Variants in ERI1 observed in about 807,000 individuals in gnomAD.
The protein encoded by ERI1 is 3'-5' exoribonuclease 1.
ERI1 carries 39 observed loss-of-function variants against 39.7 expected under a neutral mutation model. That is an observed-to-expected ratio of 0.98 (90% CI 0.76 to 1.28). The LOEUF is 1.28. ERI1 is among the 50% of genes most tolerant of loss of function. The pLI is 0.00. For synonymous variants in ERI1, 204 were observed against 149.6 expected (o/e 1.36, Z -2.65); for missense variants, 581 against 416.9 (o/e 1.39, Z -3.43).
chr8:9,081,709 TTG>T, intron 3 of ERI1, among the ~76,000 whole-genome samples: 4 of 150,200 alleles, frequency 2.7e-5, no homozygotes, highest in Non-Finnish European at 4.5e-5. Flanking sequence ...TGGTTTTTGT[TTG>T]TTTGTTTGTT....
At chr8:9,072,578 A>G (rs531040408) in intron 3 of ERI1, 5 of 152,092 alleles carry the variant, frequency 3.3e-5, no homozygotes, top group Admixed American at 2.0e-4. Context: ...CGCCGCCTCT[A>G]TCTCTGTCCC....
chr8:9,075,869 C>A (rs550168636), intron 3 of ERI1, among the ~76,000 whole-genome samples: 7 of 152,290 alleles, frequency 4.6e-5, no homozygotes, highest in African/African-American at 1.7e-4. Context: ...AACTCTTGGG[C>A]TCAAGCCATC....
In ERI1 at chr8:9,032,854, G is replaced by A. The variant is rs1156270327; in HGVS notation, c.*2820G>A. 1 of 152,170 alleles carries A rather than the reference G, an allele frequency of 6.6e-6. No individual in the cohort carries two copies. The highest frequency in any genetic ancestry group is 1.5e-5 in the Non-Finnish European group (1 of 68,044). The allele number at this position is 152,170 out of a possible 1,614,324, so 9.4% of individuals were successfully genotyped here. A position where few individuals can be genotyped will look rare whatever the true frequency, so the allele number is the denominator to read the frequency against. Reference sequence around the variant, plus strand: ...CAAAGAAACTACCTGCCTCACAGATGAGCACGCACGGGTGCATTGTCAAAG... The same window carrying A: ...CAAAGAAACTACCTGCCTCACAGATAAGCACGCACGGGTGCATTGTCAAAG... On this transcript the variant is annotated 3_prime_UTR_variant, in exon 7 of 7. Coordinates refer to ENST00000250263, the MANE Select transcript of ERI1 (RefSeq NM_153332.4).
rs767879052 is a variant in ERI1, at chr8:9,008,200, A to C, written c.287+52A>C. On this transcript the variant is annotated intron_variant, in intron 2 of 6. Coordinates refer to ENST00000250263, the MANE Select transcript of ERI1 (RefSeq NM_153332.4). ...TAAAAGTAGTACATGCTCATTTTAG[A>C]AAATCTTGAAAACATTGAAATATTA... The C allele has an allele frequency of 1.6e-5, 22 of 1,357,060 alleles. No individual in the cohort carries two copies. In the South Asian group the frequency reaches 3.1e-4, roughly 19 times the overall value. The allele number at this position is 1,357,060 out of a possible 1,614,324, so 84.1% of individuals were successfully genotyped here. A position where few individuals can be genotyped will look rare whatever the true frequency, so the allele number is the denominator to read the frequency against.
At position 9,030,166 on chromosome 8, in the gene ERI1, A is replaced by G. The variant is rs1797486214; in HGVS notation, c.*132A>G. The G allele has an allele frequency of 1.7e-6, 2 of 1,187,242 alleles. No homozygotes were observed. The highest frequency in any genetic ancestry group is 2.3e-6 in the Non-Finnish European group (2 of 859,836). 73.5% of individuals were successfully genotyped at this position (1,187,242 alleles called of 1,614,324 possible). ...TTTAAAATCTTATTACAGGTGATAG[A>G]GATAGATACATGTATGTGAACAGAT... On this transcript the variant is annotated 3_prime_UTR_variant, in exon 7 of 7. Coordinates refer to ENST00000250263, the MANE Select transcript of ERI1 (RefSeq NM_153332.4).
intron 3 of ERI1, among the ~76,000 whole-genome samples, chr8:9,038,395 C>G (rs142234101): frequency 5.3e-5 from 8 of 152,352 alleles, no homozygotes; most frequent in African/African-American, 1.9e-4. Flanking sequence ...TCAGGTTTTA[C>G]TCTGTATTTT....
intron 3 of ERI1, among the ~76,000 whole-genome samples, chr8:9,050,167 G>C (rs1282104800): frequency 9.0e-5 from 2 of 22,170 alleles, no homozygotes; most frequent in African/African-American, 3.4e-4. Flanking sequence ...CATTCTAAGT[G>C]GTCAAAAAAA....
intron 3 of ERI1, among the ~76,000 whole-genome samples, chr8:9,043,063 G>A (rs1386480105): frequency 6.6e-6 from 1 of 152,190 alleles, no homozygotes; most frequent in East Asian, 1.9e-4. Flanking sequence ...CTACTCTTAC[G>A]TCTAAGGGCA....
chr8:9,028,025 C>T (rs1797306121), intron 6 of ERI1, among the ~76,000 whole-genome samples: 1 of 152,108 alleles, frequency 6.6e-6, no homozygotes, highest in Non-Finnish European at 1.5e-5. Flanking sequence ...GGATATTGAT[C>T]TGTAATTTTC....
intron 3 of ERI1, among the ~76,000 whole-genome samples, chr8:9,047,789 T>C (rs1226706019): frequency 6.6e-6 from 1 of 152,242 alleles, no homozygotes; most frequent in African/African-American, 2.4e-5. Flanking sequence ...TATTTATTAA[T>C]TGAGCTTCCT....
chr8:9,064,964 C>G (rs982239600), intron 3 of ERI1, among the ~76,000 whole-genome samples: 5 of 152,100 alleles, frequency 3.3e-5, no homozygotes, highest in Non-Finnish European at 7.4e-5. Context: ...CGGGGTTGTT[C>G]TCTGGCAGGA....
chr8:9,097,151 T>C (rs1799903138), intron 3 of ERI1, among the ~76,000 whole-genome samples: 1 of 152,080 alleles, frequency 6.6e-6, no homozygotes. Flanking sequence ...TGTGTGTGCC[T>C]CCCCATGAAG....
intron 3 of ERI1, among the ~76,000 whole-genome samples, chr8:9,014,971 G>A (rs2117219198): frequency 6.6e-6 from 1 of 152,172 alleles, no homozygotes; most frequent in African/African-American, 2.4e-5. Flanking sequence ...TTGAGTAGTT[G>A]GAACTATACG....
At chr8:9,061,781 G>T (rs80030734) in intron 3 of ERI1, among the ~76,000 whole-genome samples, 2 of 151,422 alleles carry the variant, frequency 1.3e-5, no homozygotes, top group African/African-American at 4.9e-5. Flanking sequence ...GGGCTTGACT[G>T]AAGTAATGGG....
chr8:9,017,992 C>G (rs112679082), intron 4 of ERI1, among the ~76,000 whole-genome samples: 60 of 152,228 alleles, frequency 3.9e-4, no homozygotes, highest in African/African-American at 1.3e-3. Flanking sequence ...TCTTTTCCCT[C>G]CTCTAGAAAT....
At chr8:9,011,829 A>G in intron 3 of ERI1, 77 bp downstream of exon 3, 1 of 1,118,034 alleles carries the variant, frequency 8.9e-7, no homozygotes, top group Non-Finnish European at 1.2e-6. Context: ...GGAGGACCTC[A>G]TTTGCTTTTT....
rs138597852 is a variant in ERI1 at position 9,078,436 on chromosome 8, G to A, written n.300-37912G>A. Among the ~76,000 whole-genome samples the A allele has an allele frequency of 3.5e-4, 53 of 152,048 alleles. No homozygotes were observed. The East Asian group carries it at 8.1e-3, about 23-fold the overall frequency. On this transcript the variant is annotated intron_variant and non_coding_transcript_variant, in intron 3 of 3. Transcript: ENST00000518663. ...TAACTCAGGTTTTGAGAGTTTAAGC[G>A]ACTTAACCATAACCATAGAGCTAAT...
intron 3 of ERI1, among the ~76,000 whole-genome samples, chr8:9,038,545 A>G (rs1358864064): frequency 6.6e-6 from 1 of 152,176 alleles, no homozygotes; most frequent in Admixed American, 6.5e-5. Flanking sequence ...GGATTGCTTG[A>G]GCTCAGTTCT....
At chr8:9,079,610 C>G (rs948911306) in intron 3 of ERI1, among the ~76,000 whole-genome samples, 1 of 152,176 alleles carries the variant, frequency 6.6e-6, no homozygotes, top group Non-Finnish European at 1.5e-5. Context: ...GAAGTGAGGA[C>G]AGCTGCTGGG....
Sources: gnomAD v4.1 joint callset for allele counts (sites outside exome capture counted in the v4.1 genomes callset) on GRCh38, gnomAD v4.1.1 for gene constraint, MANE v1.5 for transcripts, NCBI Gene and HGNC (gene_info 2026-07-23, HGNC 2026-07-21) for gene names.